Variants in ZDHHC3 observed in about 807,000 individuals in gnomAD.
ZDHHC3 encodes zDHHC palmitoyltransferase 3.
Under a neutral mutation model 30.6 loss-of-function variants are expected in ZDHHC3, and 9 were observed. That is an observed-to-expected ratio of 0.29 (90% CI 0.18 to 0.51). ZDHHC3 has a LOEUF of 0.51. ZDHHC3 is among the 20% of genes least tolerant of loss of function. The pLI is 0.97. For synonymous variants in ZDHHC3, 136 were observed against 140.2 expected (o/e 0.97, Z 0.21); for missense variants, 246 against 384.2 (o/e 0.64, Z 3.01).
Position 44,959,355 on chromosome 3 carries a change from G to C in ZDHHC3, c.82C>G (p.Pro28Ala), listed in dbSNP as rs542494187. ...YLQPEKCVPP[P>A]YPGPVGTMWF... ...ATGGTTCCCACAGGACCAGGGTAGG[G>C]GGGTGGGACACACTTCTCTGGCTGG... is the stretch of plus-strand genomic sequence containing the variant. Residue 28 changes from proline to alanine, a missense_variant, in exon 2 of 7, where the codon CCC becomes GCC. Transcript: ENST00000424952. This position sits in a 1 kb window ranked among gnomAD's most constrained non-coding sequence, Gnocchi z 4.3. The C allele has an allele frequency of 6.8e-6, 11 of 1,614,228 alleles. No homozygotes were observed. In the South Asian group the frequency reaches 8.8e-5, roughly 13 times the overall value.
At position 44,922,733 on chromosome 3, in the gene ZDHHC3, G is replaced by A. The variant is rs910540455; in HGVS notation, c.*3956C>T. On this transcript the variant is annotated 3_prime_UTR_variant, in exon 7 of 7. Coordinates refer to ENST00000424952, the MANE Select transcript of ZDHHC3 (RefSeq NM_001135179.2). ...GTTAAGACACGGGCTGCTGGGCCCCGCTCGGTTTCTGGTTCGGTAGCCTGG... is the reference window on the plus strand; with the variant it reads ...GTTAAGACACGGGCTGCTGGGCCCCACTCGGTTTCTGGTTCGGTAGCCTGG... 7 of 984,138 alleles carry A rather than the reference G, an allele frequency of 7.1e-6. No individual in the cohort carries two copies. The highest frequency in any genetic ancestry group is 1.1e-4 in the East Asian group (1 of 8,818). The allele number at this position is 984,138 out of a possible 1,614,324, so 61.0% of individuals were successfully genotyped here.
intron 4 of ZDHHC3, 58 bp from the exon 5 acceptor site, chr3:44,933,257 CT>C: frequency 1.3e-6 from 2 of 1,543,550 alleles, no homozygotes; most frequent in Non-Finnish European, 1.8e-6. Flanking sequence ...ACCTCACGGG[CT>C]CCCGGGACAG....
intron 1 of ZDHHC3, among the ~76,000 whole-genome samples, chr3:44,966,072 A>G (rs1290758687): frequency 1.3e-5 from 2 of 152,200 alleles, no homozygotes; most frequent in African/African-American, 4.8e-5. Context: ...ACAAACTTGA[A>G]ATCAGGTGCA....
chr3:44,924,481 G>A lies in ZDHHC3; in HGVS notation c.*2208C>T. On this transcript the variant is annotated 3_prime_UTR_variant, in exon 7 of 7. Transcript: ENST00000424952. ...ACAAAACCAGAGGCAGAATCCTATAGGATATCTGAAGGAACCCCACTCTAT... is the reference window on the plus strand; with the variant it reads ...ACAAAACCAGAGGCAGAATCCTATAAGATATCTGAAGGAACCCCACTCTAT... 1.0e-6 allele frequency: 1 copy of A among 985,392 alleles called. No individual in the cohort carries two copies. Among genetic ancestry groups the A allele is most frequent in the Non-Finnish European group, 1.2e-6 (1 of 829,920 alleles). 61.0% of individuals were successfully genotyped at this position (985,392 alleles called of 1,614,324 possible).
At position 44,925,119 on chromosome 3, in the gene ZDHHC3, T is replaced by C. The variant is rs1700877611; in HGVS notation, c.*1570A>G. ...AGAGAAAACTCAAGTAGATTGTGGA[T>C]AGTCGGCCTCCCACTAAGGGTAACA... is the stretch of plus-strand genomic sequence containing the variant. On this transcript the variant is annotated 3_prime_UTR_variant, in exon 7 of 7. Coordinates refer to ENST00000424952, the MANE Select transcript of ZDHHC3 (RefSeq NM_001135179.2). 1 of 985,792 alleles carries C rather than the reference T, an allele frequency of 1.0e-6. No individual in the cohort carries two copies. The highest frequency in any genetic ancestry group is 1.2e-6 in the Non-Finnish European group (1 of 829,954). 61.1% of individuals were successfully genotyped at this position (985,792 alleles called of 1,614,324 possible).
In ZDHHC3 at chr3:44,923,278, G is replaced by A. The variant is rs558234847; in HGVS notation, c.*3411C>T. 2.5e-4 allele frequency: 227 copies of A among 915,314 alleles called. No homozygotes were observed. In the African/African-American group the frequency reaches 3.0e-3, roughly 12 times the overall value. 56.7% of individuals were successfully genotyped at this position (915,314 alleles called of 1,614,324 possible). The stretch of plus-strand genomic sequence containing the variant: ...TTTTTAGTAGAGACAGGGTTTCACC[G>A]TGTTAGCCAGGATGATCTCGATCTC... On this transcript the variant is annotated 3_prime_UTR_variant, in exon 7 of 7. Coordinates refer to ENST00000424952, the MANE Select transcript of ZDHHC3 (RefSeq NM_001135179.2).
Position 44,925,278 on chromosome 3 carries a change from T to G in ZDHHC3, c.*1411A>C. 1.0e-6 allele frequency: 1 copy of G among 985,868 alleles called. No individual in the cohort carries two copies. Among genetic ancestry groups the G allele is most frequent in the Non-Finnish European group, 1.2e-6 (1 of 829,936 alleles). 61.1% of individuals were successfully genotyped at this position (985,868 alleles called of 1,614,324 possible). A position where few individuals can be genotyped will look rare whatever the true frequency, so the allele number is the denominator to read the frequency against. On this transcript the variant is annotated 3_prime_UTR_variant, in exon 7 of 7. Transcript: ENST00000424952. The stretch of plus-strand genomic sequence containing the variant: ...TTTCTGAAAAATCACATGGCTAGAT[T>G]AACTTTCGCCCTACCCAGGACAGGA...
In ZDHHC3 at chr3:44,926,794, C is replaced by A; in HGVS notation, c.795G>T (p.Trp265Cys). Residue 265 changes from tryptophan (W) to cysteine (C), a missense_variant, in exon 7 of 7, where the codon TGG becomes TGT. Coordinates refer to ENST00000424952, the MANE Select transcript of ZDHHC3 (RefSeq NM_001135179.2). Reference sequence around the variant, plus strand: ...GGCCAAAAACGGCTTTCATGTTCATCCATTTTGTTTTTTTAGCCCATCTTC... The same window carrying A: ...GGCCAAAAACGGCTTTCATGTTCATACATTTTGTTTTTTTAGCCCATCTTC... Reference protein sequence around the residue: ...EERRWAKKTKWMNMKAVFGHP... With the variant: ...EERRWAKKTKCMNMKAVFGHP... 2 of 1,613,608 alleles carry A rather than the reference C, an allele frequency of 1.2e-6. No individual in the cohort carries two copies. The highest frequency in any genetic ancestry group is 1.7e-4 in the Middle Eastern group (1 of 6,050).
chr3:44,957,573 A>T (rs143914331), intron 2 of ZDHHC3, among the ~76,000 whole-genome samples: 1 of 152,162 alleles, frequency 6.6e-6, no homozygotes, highest in Non-Finnish European at 1.5e-5. Context: ...TCTCTTCCTA[A>T]GTTCCCACCA....
chr3:44,932,150 G>C (rs1701548560), intron 5 of ZDHHC3, among the ~76,000 whole-genome samples: 2 of 151,962 alleles, frequency 1.3e-5, no homozygotes, highest in South Asian at 4.2e-4. Flanking sequence ...TGGTTCCCCA[G>C]GCCTAGCAGA....
At chr3:44,969,989 T>C (rs1375781104) in intron 1 of ZDHHC3, 1 of 152,224 alleles carries the variant, frequency 6.6e-6, no homozygotes, top group African/African-American at 2.4e-5. Flanking sequence ...CCACATTGTG[T>C]CATGTGCAGC....
intron 6 of ZDHHC3, among the ~76,000 whole-genome samples, chr3:44,927,375 T>C (rs906335977): frequency 3.9e-5 from 6 of 152,168 alleles, no homozygotes; most frequent in Non-Finnish European, 8.8e-5. Flanking sequence ...ATCAAATGAC[T>C]GCTCTGGCGT....
chr3:44,918,245 C>T lies in ZDHHC3; in HGVS notation c.*8444G>A, dbSNP rs115983635. On this transcript the variant is annotated 3_prime_UTR_variant, in exon 7 of 7. Transcript: ENST00000424952. ...AGCATAGCAGTGGCGGGGGGGGGGG[C>T]GGGGTGTCCACGGCATGGGTAAGAT... The T allele has an allele frequency of 2.0e-5, 22 of 1,125,298 alleles. No individual in the cohort carries two copies. Among genetic ancestry groups the T allele is most frequent in the East Asian group, 1.2e-4 (2 of 16,040 alleles). The allele number at this position is 1,125,298 out of a possible 1,614,324, so 69.7% of individuals were successfully genotyped here.
intron 3 of ZDHHC3, among the ~76,000 whole-genome samples, chr3:44,934,571 C>CAA (rs55841069): frequency 0.012 from 1,128 of 95,548 alleles, 18 homozygotes; most frequent in African/African-American, 0.041. Flanking sequence ...TCCATTTAGC[C>CAA]AAAAAAAAAA....
chr3:44,952,579 A>G (rs1703561876), intron 2 of ZDHHC3, among the ~76,000 whole-genome samples: 1 of 152,156 alleles, frequency 6.6e-6, no homozygotes, highest in Admixed American at 6.5e-5. Flanking sequence ...ACCATATCTC[A>G]GCTCTGGACT....
chr3:44,932,797 C>T, intron 5 of ZDHHC3: 1 of 973,382 alleles, frequency 1.0e-6, no homozygotes, highest in South Asian at 1.4e-5. Flanking sequence ...AAACTTCTCT[C>T]CCAGCATGGC....
chr3:44,943,879 T>G (rs1033208556), intron 3 of ZDHHC3, among the ~76,000 whole-genome samples: 1 of 151,968 alleles, frequency 6.6e-6, no homozygotes, highest in African/African-American at 2.4e-5. Flanking sequence ...TCCCAGCTGC[T>G]CTGGAGGCTG....
chr3:44,921,773 T>C lies in ZDHHC3; in HGVS notation c.*4916A>G, dbSNP rs953364513. 8 of 980,314 alleles carry C rather than the reference T, an allele frequency of 8.2e-6. No individual in the cohort carries two copies. The allele number at this position is 980,314 out of a possible 1,614,324, so 60.7% of individuals were successfully genotyped here. On this transcript the variant is annotated 3_prime_UTR_variant, in exon 7 of 7. Transcript: ENST00000424952. The stretch of plus-strand genomic sequence containing the variant: ...GGTCATATTTTGGTAGTAGGTGCGG[T>C]AATAAGTAGCCAAGCAGACATTTCA...
Position 44,920,158 on chromosome 3 carries a change from A to G in ZDHHC3, c.*6531T>C. 3 of 1,267,060 alleles carry G rather than the reference A, an allele frequency of 2.4e-6. No homozygotes were observed. Among genetic ancestry groups the G allele is most frequent in the African/African-American group, 3.1e-5 (2 of 65,278 alleles). The allele number at this position is 1,267,060 out of a possible 1,614,324, so 78.5% of individuals were successfully genotyped here. ...ATCAGAACAAAAATAGTTGTTTCAG[A>G]AAATGGATCTTGTTGACACAAGTCT... On this transcript the variant is annotated 3_prime_UTR_variant, in exon 7 of 7. Transcript: ENST00000424952.
Sources: gnomAD v4.1 joint callset for allele counts (sites outside exome capture counted in the v4.1 genomes callset) on GRCh38, gnomAD v4.1.1 for gene constraint, Gnocchi (gnomAD v3.1) non-coding constraint, MANE v1.5 for transcripts, NCBI Gene and HGNC (gene_info 2026-07-23, HGNC 2026-07-21) for gene names.